Variants in ATXN1 observed in about 807,000 individuals in gnomAD.
ATXN1 encodes ataxin-1.
A neutral mutation model predicts 56.4 loss-of-function variants in ATXN1; 8 were observed. That is an observed-to-expected ratio of 0.14 (90% CI 0.08 to 0.26). The LOEUF (loss-of-function observed/expected upper bound fraction) is 0.26, where lower values mean the gene tolerates loss of function less well. Ranked by LOEUF, ATXN1 falls within the 10% of genes least tolerant of loss-of-function variation. The pLI is 1.00. For missense variants in ATXN1, 987 were observed against 1,106.5 expected, an observed-to-expected ratio of 0.89 and a Z score of 1.53; for synonymous variants, 514 against 494.6, an observed-to-expected ratio of 1.04 and a Z score of -0.52.
At chr6:16,536,971 C>CA (rs1761612436) in intron 4 of ATXN1, among the ~76,000 whole-genome samples, 1 of 151,862 alleles carries the variant, frequency 6.6e-6, no homozygotes, top group Admixed American at 6.6e-5. Flanking sequence ...ATTTATTTTA[C>CA]AATTTCCATA....
At chr6:16,329,606 T>A (rs867561269) in intron 6 of ATXN1, among the ~76,000 whole-genome samples, 3 of 152,246 alleles carry the variant, frequency 2.0e-5, no homozygotes, top group African/African-American at 7.2e-5. Context: ...CTCAGTGGGT[T>A]ACATGCTTGG....
chr6:16,604,324 C>CAAAAAAAAAAAAA (rs57547112), intron 3 of ATXN1, among the ~76,000 whole-genome samples: 1 of 112,108 alleles, frequency 8.9e-6, no homozygotes, highest in African/African-American at 3.3e-5. Flanking sequence ...AACTCTGTCT[C>CAAAAAAAAAAAAA]AAAAAAAAAA....
At chr6:16,573,570 C>T (rs976107588) in intron 4 of ATXN1, among the ~76,000 whole-genome samples, 2 of 152,138 alleles carry the variant, frequency 1.3e-5, no homozygotes, top group Admixed American at 1.3e-4. Flanking sequence ...CACTGAGCCC[C>T]TTCCATAAAC....
In ATXN1 at chr6:16,306,200, G is replaced by A. The variant is rs1028377459; in HGVS notation, c.*129C>T. ...GCGACACACCTGCTGTAACTCTAAT[G>A]ACAAGGTTAGAACAGAAACCTAAAA... On this transcript the variant is annotated 3_prime_UTR_variant, in exon 8 of 8. Transcript: ENST00000436367. The surrounding 1 kb of genome is among the most constrained non-coding windows in gnomAD (Gnocchi z 5.2). 3.4e-6 allele frequency: 4 copies of A among 1,178,196 alleles called. No homozygotes were observed. The African/African-American group carries it at 4.6e-5, about 14-fold the overall frequency. 73.0% of individuals were successfully genotyped at this position (1,178,196 alleles called of 1,614,324 possible). A position where few individuals can be genotyped will look rare whatever the true frequency, so the allele number is the denominator to read the frequency against.
chr6:16,399,310 T>C (rs1315445306), intron 6 of ATXN1, among the ~76,000 whole-genome samples: 1 of 152,154 alleles, frequency 6.6e-6, no homozygotes, highest in Non-Finnish European at 1.5e-5. Flanking sequence ...GGGTGTATGG[T>C]GATGACTTAA....
chr6:16,372,457 C>A (rs550774688), intron 6 of ATXN1, among the ~76,000 whole-genome samples: 4 of 152,304 alleles, frequency 2.6e-5, no homozygotes, highest in African/African-American at 9.6e-5. Flanking sequence ...TGCAATAAGA[C>A]TGCATTACTC....
At chr6:16,729,837 C>T (rs1435002426) in intron 2 of ATXN1, among the ~76,000 whole-genome samples, 4 of 152,226 alleles carry the variant, frequency 2.6e-5, no homozygotes, top group African/African-American at 7.2e-5. Flanking sequence ...GCCCTCTGAA[C>T]ATCAGTCACG....
At chr6:16,561,792 C>A (rs1396518196) in intron 4 of ATXN1, among the ~76,000 whole-genome samples, 1 of 151,964 alleles carries the variant, frequency 6.6e-6, no homozygotes, top group Non-Finnish European at 1.5e-5. Flanking sequence ...ACCAGAGATG[C>A]AACAGAAGCA....
chr6:16,568,496 CAG>C (rs1423237130), intron 4 of ATXN1, among the ~76,000 whole-genome samples: 1 of 152,128 alleles, frequency 6.6e-6, no homozygotes, highest in Admixed American at 6.5e-5. Flanking sequence ...CTCAGAGAAA[CAG>C]TGTTATAAAT....
intron 6 of ATXN1, among the ~76,000 whole-genome samples, chr6:16,471,191 AACACACACACACAC>A (rs5874560): frequency 6.8e-6 from 1 of 148,010 alleles, no homozygotes; most frequent in Non-Finnish European, 1.5e-5. Flanking sequence ...TGGCAATTAA[AACACACACACACAC>A]ACACACACAC....
intron 2 of ATXN1, among the ~76,000 whole-genome samples, chr6:16,745,183 C>A (rs1054831274): frequency 3.9e-5 from 6 of 152,162 alleles, no homozygotes; most frequent in African/African-American, 1.4e-4. Flanking sequence ...TCATTAGTAA[C>A]AATGTAAATT....
At chr6:16,366,781 A>G (rs956190954) in intron 6 of ATXN1, among the ~76,000 whole-genome samples, 2 of 138,454 alleles carry the variant, frequency 1.4e-5, no homozygotes, top group South Asian at 2.3e-4. Context: ...ACTCTGTCTG[A>G]AAAAAAAAAA....
chr6:16,658,911 T>C (rs777267660), intron 2 of ATXN1, among the ~76,000 whole-genome samples: 3 of 152,246 alleles, frequency 2.0e-5, no homozygotes, highest in Non-Finnish European at 4.4e-5. Context: ...CATCAAAGAT[T>C]GGATCAAGTG....
chr6:16,657,964 A>AT (rs1394353404), intron 2 of ATXN1, 63 bp from the exon 3 acceptor site: 1 of 152,234 alleles, frequency 6.6e-6, no homozygotes, highest in Non-Finnish European at 1.5e-5. Flanking sequence ...CAGTTAGTGG[A>AT]TATTCAGGGG....
chr6:16,748,529 G>A (rs1006285557), intron 2 of ATXN1, among the ~76,000 whole-genome samples: 6 of 152,116 alleles, frequency 3.9e-5, no homozygotes, highest in Admixed American at 2.0e-4. Flanking sequence ...CAGTTTCCTC[G>A]CCTGTGCAAT....
intron 2 of ATXN1, among the ~76,000 whole-genome samples, chr6:16,741,202 C>T (rs895229003): frequency 6.6e-6 from 1 of 152,176 alleles, no homozygotes. Context: ...GTCATTATGA[C>T]TATCCACTGA....
intron 4 of ATXN1, among the ~76,000 whole-genome samples, chr6:16,566,685 C>T (rs987824954): frequency 6.6e-6 from 1 of 151,934 alleles, no homozygotes; most frequent in African/African-American, 2.4e-5. Flanking sequence ...AACCCCGTCT[C>T]TACTAAAAAT....
chr6:16,575,308 C>T (rs73728015), intron 4 of ATXN1, among the ~76,000 whole-genome samples: 1,548 of 152,258 alleles, frequency 0.01, 31 homozygotes, highest in African/African-American at 0.035. Context: ...GGGACTTTCT[C>T]GTGGCAATTC....
intron 3 of ATXN1, among the ~76,000 whole-genome samples, chr6:16,637,685 T>C (rs1271846377): frequency 6.6e-6 from 1 of 152,176 alleles, no homozygotes; most frequent in Non-Finnish European, 1.5e-5. Flanking sequence ...TAAATTAATT[T>C]TCTTGAATTG....
Sources: allele counts gnomAD v4.1 joint callset (sites outside exome capture counted in the v4.1 genomes callset), GRCh38; gene constraint gnomAD v4.1.1; non-coding constraint Gnocchi (gnomAD v3.1); transcripts MANE v1.5; gene names NCBI Gene and HGNC (gene_info 2026-07-23, HGNC 2026-07-21).